PSD3: variants seen among roughly 807,000 people sequenced by gnomAD.
PSD3 encodes pleckstrin and Sec7 domain containing 3, also known as PH and SEC7 domain-containing protein 3.
In PSD3, 49 loss-of-function variants were observed where a neutral mutation model predicts 105.5. The ratio of observed to expected loss-of-function variants is 0.46; its 90% CI spans 0.37 to 0.59. PSD3 has a LOEUF of 0.59. Ranked by LOEUF, PSD3 falls within the 20% of genes least tolerant of loss-of-function variation. The pLI is 0.00. For missense variants in PSD3, 1,561 were observed against 1,263.8 expected, an observed-to-expected ratio of 1.24 and a Z score of -3.57; for synonymous variants, 557 against 457.8, an observed-to-expected ratio of 1.22 and a Z score of -2.77.
intron 1 of PSD3, chr8:19,000,613 T>C (rs1826322755): frequency 6.6e-6 from 1 of 151,800 alleles, no homozygotes; most frequent in African/African-American, 2.4e-5. Context: ...GCAAGAGAGC[T>C]ATTAATGAAA....
intron 9 of PSD3, among the ~76,000 whole-genome samples, chr8:18,670,261 G>A (rs1585567334): frequency 6.6e-6 from 1 of 152,294 alleles, no homozygotes; most frequent in African/African-American, 2.4e-5. Flanking sequence ...CAGCGGGGCT[G>A]GTGCGGCTGG....
chr8:19,021,677 G>T (rs1827367338), intron 1 of PSD3, among the ~76,000 whole-genome samples: 1 of 152,034 alleles, frequency 6.6e-6, no homozygotes, highest in South Asian at 2.1e-4. Context: ...AAAACTATCT[G>T]CTGTGATCCT....
chr8:18,634,607 G>C (rs942988820), intron 10 of PSD3, among the ~76,000 whole-genome samples: 1 of 152,114 alleles, frequency 6.6e-6, no homozygotes. Context: ...GTCTGTAACA[G>C]TTCCTCAGTC....
chr8:18,864,666 G>T (rs543206902), intron 4 of PSD3: 1 of 152,120 alleles, frequency 6.6e-6, no homozygotes. Context: ...CAGGAGAGGC[G>T]AGTGAACACA....
chr8:18,579,285 C>G (rs182214665), intron 12 of PSD3, among the ~76,000 whole-genome samples: 1 of 152,090 alleles, frequency 6.6e-6, no homozygotes, highest in East Asian at 1.9e-4. Context: ...GAAGAAATAA[C>G]GGATAAATCA....
At chr8:18,718,474 T>C (rs1480396559) in intron 9 of PSD3, among the ~76,000 whole-genome samples, 1 of 152,256 alleles carries the variant, frequency 6.6e-6, no homozygotes, top group African/African-American at 2.4e-5. Flanking sequence ...CATAGACAGA[T>C]ATACAGGACT....
chr8:18,690,014 T>C (rs1253806902), intron 9 of PSD3, among the ~76,000 whole-genome samples: 1 of 152,170 alleles, frequency 6.6e-6, no homozygotes, highest in Non-Finnish European at 1.5e-5. Flanking sequence ...TTTCCTCCTA[T>C]GCTATTTGTT....
At chr8:18,570,843 C>CTATTATTATTATTAT (rs57603961) in intron 14 of PSD3, among the ~76,000 whole-genome samples, 2,998 of 117,366 alleles carry the variant, frequency 0.026, 45 homozygotes, top group East Asian at 0.036. Flanking sequence ...CTGCTTAAAA[C>CTATTATTATTATTAT]TATTATTATT....
chr8:18,937,679 G>A (rs118015452), intron 1 of PSD3, among the ~76,000 whole-genome samples: 609 of 152,328 alleles, frequency 4.0e-3, no homozygotes, highest in Non-Finnish European at 5.3e-3. Context: ...TTGGTGTTAC[G>A]TGTTTGATAA....
At chr8:18,980,809 C>G (rs1056449724) in intron 1 of PSD3, among the ~76,000 whole-genome samples, 6 of 152,138 alleles carry the variant, frequency 3.9e-5, no homozygotes, top group Non-Finnish European at 7.3e-5. Flanking sequence ...CACCTGAATA[C>G]TATTTACACC....
intron 9 of PSD3, among the ~76,000 whole-genome samples, chr8:18,725,976 C>CT (rs1440640886): frequency 6.6e-6 from 1 of 152,188 alleles, no homozygotes; most frequent in African/African-American, 2.4e-5. Context: ...GAGTGCTGTT[C>CT]TTGGGGACTA....
chr8:18,977,979 C>T (rs143992744), intron 1 of PSD3, among the ~76,000 whole-genome samples: 58 of 152,264 alleles, frequency 3.8e-4, no homozygotes, highest in Admixed American at 5.9e-4. Context: ...GTGAACAATA[C>T]ATGATTTACT....
At chr8:18,724,621 T>A (rs1346269043) in intron 9 of PSD3, among the ~76,000 whole-genome samples, 1 of 151,578 alleles carries the variant, frequency 6.6e-6, no homozygotes, top group Non-Finnish European at 1.5e-5. Flanking sequence ...CTAAAAAAAA[T>A]AAATAAAAAT....
intron 9 of PSD3, among the ~76,000 whole-genome samples, chr8:18,749,955 G>C (rs1805338168): frequency 6.6e-6 from 1 of 152,108 alleles, no homozygotes; most frequent in Admixed American, 6.5e-5. Flanking sequence ...AATAGACACA[G>C]TCCTGCCTAA....
chr8:18,913,007 T>C (rs1009912663), intron 2 of PSD3, among the ~76,000 whole-genome samples: 4 of 150,996 alleles, frequency 2.6e-5, no homozygotes, highest in African/African-American at 9.8e-5. Context: ...CTACCCTGAG[T>C]AATTTCAATA....
chr8:18,811,026 A>G (rs1423524783), intron 4 of PSD3, among the ~76,000 whole-genome samples: 4 of 152,262 alleles, frequency 2.6e-5, no homozygotes, highest in Non-Finnish European at 5.9e-5. Flanking sequence ...TTTCCTAGGC[A>G]TTGTAGAGAG....
chr8:18,691,442 C>T (rs1257486641), intron 9 of PSD3, among the ~76,000 whole-genome samples: 1 of 152,204 alleles, frequency 6.6e-6, no homozygotes, highest in Non-Finnish European at 1.5e-5. Context: ...AAAACAAACA[C>T]AAAACTGTGA....
At chr8:18,594,243 T>TATATATAATATA (rs1563358648) in intron 12 of PSD3, among the ~76,000 whole-genome samples, 62 of 5,514 alleles carry the variant, frequency 0.011, 9 homozygotes, top group African/African-American at 0.025. Flanking sequence ...TATATATTAT[T>TATATATAATATA]ATATATATTA....
At chr8:18,544,119 C>T (rs1338040970) in intron 15 of PSD3, among the ~76,000 whole-genome samples, 1 of 139,590 alleles carries the variant, frequency 7.2e-6, no homozygotes, top group Admixed American at 7.2e-5. Flanking sequence ...CTCATGTACA[C>T]AGCAATACAC....
Sources: gnomAD v4.1 joint callset for allele counts (sites outside exome capture counted in the v4.1 genomes callset) on GRCh38, gnomAD v4.1.1 for gene constraint, MANE v1.5 for transcripts, NCBI Gene and HGNC (gene_info 2026-07-23, HGNC 2026-07-21) for gene names.